The following PLXNA3 variants were observed in gnomAD, a reference collection of about 807,000 sequenced individuals.
The protein encoded by PLXNA3 is plexin A3.
A neutral mutation model predicts 118.8 loss-of-function variants in PLXNA3; 52 were observed. The observed-to-expected ratio is 0.44, with a 90% CI of 0.35 to 0.55. The LOEUF (loss-of-function observed/expected upper bound fraction) is 0.55, where lower values mean the gene tolerates loss of function less well. Ranked by LOEUF, PLXNA3 falls within the 20% of genes least tolerant of loss-of-function variation. PLXNA3 has a pLI of 0.01. For synonymous variants in PLXNA3, 925 were observed against 762.4 expected (o/e 1.21, Z -3.51); for missense variants, 1,660 against 1,730.8 (o/e 0.96, Z 0.73).
intron 32 of PLXNA3, among the ~76,000 whole-genome samples, chrX:154,471,907 G>A (rs782545139): frequency 8.9e-6 from 1 of 112,868 alleles, no homozygotes; most frequent in East Asian, 2.8e-4. Context: ...GCTTTGTGAT[G>A]AGAAATAGCC....
At position 154,461,551 on chromosome X, in the gene PLXNA3, C is replaced by G; in HGVS notation, c.1047C>G (p.Ile349Met). 8.3e-7 allele frequency: 1 copy of G among 1,209,916 alleles called. No homozygotes were observed. The highest frequency in any genetic ancestry group is 1.1e-6 in the Non-Finnish European group (1 of 895,233). ...LFTLSNINAH[I>M]RRRIQSCYRG... ...CCCTCAGCAACATCAATGCCCACAT[C>G]CGGCGCCGCATCCAGTCCTGCTATC... The change falls in exon 3 of 33, where the codon ATC becomes ATG. Residue 349 changes from isoleucine (I) to methionine (M), a missense_variant. This residue lies in a region of PLXNA3 where 791 missense variants were observed against 652.1 expected (regional missense o/e 1.21). Transcript: ENST00000369682.
rs782418480 is a variant in PLXNA3 at position 154,461,556 on chromosome X, G to A, written c.1052G>A (p.Arg351His). ...AGCAACATCAATGCCCACATCCGGC[G>A]CCGCATCCAGTCCTGCTATCGTGGG... ...TLSNINAHIR[R>H]RIQSCYRGEG... Residue 351 changes from arginine to histidine, a missense_variant, in exon 3 of 33, where the codon CGC (arginine) becomes CAC (histidine). Arg to His is a conservative substitution (Grantham distance 29). Transcript: ENST00000369682. The A allele has an allele frequency of 1.2e-4, 149 of 1,208,143 alleles. No homozygotes were observed. Among genetic ancestry groups the A allele is most frequent in the Admixed American group, 5.6e-4 (26 of 46,023 alleles).
chrX:154,472,363 C>G (rs1189154673), intron 32 of PLXNA3, among the ~76,000 whole-genome samples: 1 of 109,881 alleles, frequency 9.1e-6, no homozygotes, highest in African/African-American at 3.3e-5. Flanking sequence ...GTCCAGGTCA[C>G]TCTAGGGACA....
intron 11 of PLXNA3, 85 bp from the exon 12 acceptor site, chrX:154,465,339 C>T (rs1417476632): frequency 9.7e-7 from 1 of 1,032,966 alleles, no homozygotes; most frequent in Non-Finnish European, 1.4e-6. Context: ...GATTCCTGTA[C>T]CTGGAGGAGG....
At chrX:154,464,894 G>A (rs2069051254) in intron 10 of PLXNA3, 26 bp downstream of exon 10, 1 of 1,121,100 alleles carries the variant, frequency 8.9e-7, no homozygotes, top group African/African-American at 1.8e-5. Context: ...CATGTGAGGG[G>A]CTGGGCTCTG....
rs782435875 is a variant in PLXNA3, at chrX:154,470,213, C to T, written c.4986+46C>T. 4 of 1,152,933 alleles carry T rather than the reference C, an allele frequency of 3.5e-6. No individual in the cohort carries two copies. The South Asian group carries it at 5.8e-5, about 17-fold the overall frequency. ...ACCTTGGCCTCCGCCCAGAGGTTGT[C>T]CCGGCCTTACAGGGGAGGGGCCATG... On this transcript the variant is annotated intron_variant, in intron 29 of 32. Transcript: ENST00000369682.
chrX:154,462,009 GTCCTGGCTGGAGGGGACCGGGTTCTAGA>G, intron 3 of PLXNA3, 91 bp from the exon 4 acceptor site: 1 of 596,702 alleles, frequency 1.7e-6, no homozygotes, highest in Non-Finnish European at 2.6e-6. Flanking sequence ...CGAGCAGTCA[GTCCTGGCTGGAGGGGACCGGGTTCTAGA>G]TCCCGCTCTC....
At chrX:154,461,815 T>C (rs1469320398) in intron 3 of PLXNA3, among the ~76,000 whole-genome samples, 177 bp downstream of exon 3, 1 of 112,230 alleles carries the variant, frequency 8.9e-6, no homozygotes, top group African/African-American at 3.2e-5. Context: ...TGCCTCTCTC[T>C]GGGCTGCCCA....
In PLXNA3 at chrX:154,468,096, C is replaced by A; in HGVS notation, c.3835C>A (p.Gln1279Lys). Residue 1279 changes from glutamine to lysine, a missense_variant, in exon 22 of 33, where the codon CAG becomes AAG. Physicochemically the swap from Gln to Lys is moderately conservative, Grantham distance 53. This residue lies in a region of PLXNA3 where 869 missense variants were observed against 1,078.7 expected (regional missense o/e 0.81). Transcript: ENST00000369682. ...LECKEAFAELQTDINELTNHM... is the reference protein window; with the variant it reads ...LECKEAFAELKTDINELTNHM... ...CCACCCCCCAGCTTTTGCAGAGCTG[C>A]AGACGGACATCAATGAGCTGACTAA... 8.4e-7 allele frequency: 1 copy of A among 1,191,934 alleles called. No homozygotes were observed. The highest frequency in any genetic ancestry group is 1.1e-6 in the Non-Finnish European group (1 of 883,616).
chrX:154,464,356 T>C, intron 8 of PLXNA3, 43 bp downstream of exon 8: 1 of 1,200,921 alleles, frequency 8.3e-7, no homozygotes, highest in East Asian at 3.0e-5. Flanking sequence ...GAGTGGGGCC[T>C]CTCCCTACCC....
intron 1 of PLXNA3, among the ~76,000 whole-genome samples, chrX:154,459,061 C>G (rs1479804493): frequency 9.0e-6 from 1 of 111,571 alleles, no homozygotes; most frequent in Admixed American, 9.4e-5. Context: ...TGAGCTGAAA[C>G]TTTGCAGTTT....
rs782235424 is a variant in PLXNA3, at chrX:154,461,249, C to T, written c.745C>T (p.Leu249=). Residue 249 remains leucine (L), a synonymous_variant, in exon 3 of 33, where the codon CTG becomes TTG. Coordinates refer to ENST00000369682, the MANE Select transcript of PLXNA3 (RefSeq NM_017514.5). ...GCTGCAGCTGGACACCCAGCAGACG[C>T]TGTTGGACACAGCGGGCGAGAAATT... ...LTLQLDTQQT[L]LDTAGEKFFT... 8.3e-7 allele frequency: 1 copy of T among 1,211,876 alleles called. No individual in the cohort carries two copies. Among genetic ancestry groups the T allele is most frequent in the African/African-American group, 1.7e-5 (1 of 57,850 alleles).
Position 154,472,740 on chromosome X carries a change from A to G in PLXNA3, c.*55A>G. ...TCAGTCCTGTGCCGTCCTCCCATCC[A>G]GGGGAGTGGCTGGCTCAAGCCTGGG... On this transcript the variant is annotated 3_prime_UTR_variant, in exon 33 of 33. Transcript: ENST00000369682. The G allele has an allele frequency of 1.1e-6, 1 of 927,130 alleles. No individual in the cohort carries two copies. The highest frequency in any genetic ancestry group is 2.0e-5 in the South Asian group (1 of 50,179). 76.4% of individuals were successfully genotyped at this position (927,130 alleles called of 1,213,427 possible).
rs782275741 is a variant in PLXNA3, at chrX:154,461,648, T to G, written c.1134+10T>G. 2 of 1,174,748 alleles carry G rather than the reference T, an allele frequency of 1.7e-6. No individual in the cohort carries two copies. The highest frequency in any genetic ancestry group is 3.8e-5 in the South Asian group (2 of 53,173). ...GCCCTGCATCAACACCGTGAGCCCC[T>G]CATCACCCCACACTGGTCCTCTGCC... On this transcript the variant is annotated intron_variant, in intron 3 of 32. Coordinates refer to ENST00000369682, the MANE Select transcript of PLXNA3 (RefSeq NM_017514.5).
rs200063870 is a variant in PLXNA3 at position 154,461,450 on chromosome X, G to A, written c.946G>A (p.Val316Ile). 105 of 1,210,554 alleles carry A rather than the reference G, an allele frequency of 8.7e-5. No individual in the cohort carries two copies. Among genetic ancestry groups the A allele is most frequent in the Middle Eastern group, 4.6e-4 (2 of 4,352 alleles). ...QALGVPADEDVLFTIFSQGQK... is the reference protein window; with the variant it reads ...QALGVPADEDILFTIFSQGQK... Reference sequence around the variant, plus strand: ...CCTGGGCGTGCCGGCTGATGAGGACGTCCTCTTCACCATCTTCTCTCAGGG... The same window carrying A: ...CCTGGGCGTGCCGGCTGATGAGGACATCCTCTTCACCATCTTCTCTCAGGG... The change falls in exon 3 of 33, where the codon GTC (valine) becomes ATC (isoleucine). Residue 316 changes from valine to isoleucine, a missense_variant. By Grantham distance (29) the Val-to-Ile change is conservative. Around this residue, in one of 2 missense-constraint regions of PLXNA3, gnomAD observed 791 missense variants for 652.1 expected, o/e 1.21. Transcript: ENST00000369682.
intron 10 of PLXNA3, 30 bp from the exon 11 acceptor site, chrX:154,464,988 G>T: frequency 8.7e-7 from 1 of 1,148,169 alleles, no homozygotes; most frequent in Admixed American, 2.5e-5. Context: ...GGGTGGCCCT[G>T]TGTGCAGCTG....
In PLXNA3 at chrX:154,465,632, T is replaced by C; in HGVS notation, c.2342-25T>C. 4 of 1,199,058 alleles carry C rather than the reference T, an allele frequency of 3.3e-6. No individual in the cohort carries two copies. In the African/African-American group the frequency reaches 5.2e-5, roughly 16 times the overall value. On this transcript the variant is annotated intron_variant, in intron 12 of 32. Transcript: ENST00000369682. ...CACTTTTCTGCCACTGCCTGCTCCG[T>C]CAGCAGTGCCTTCTGTGCCTGCAGC...
Position 154,468,742 on chromosome X carries a change from G to A in PLXNA3, c.4287+13G>A. On this transcript the variant is annotated intron_variant, in intron 24 of 32. Coordinates refer to ENST00000369682, the MANE Select transcript of PLXNA3 (RefSeq NM_017514.5). Reference sequence around the variant, plus strand: ...TAAGTTTCTGAAGGTGCGCCAGGTGGGTGGGCGGCAGGGAGGTGGTGGCAG... The same window carrying A: ...TAAGTTTCTGAAGGTGCGCCAGGTGAGTGGGCGGCAGGGAGGTGGTGGCAG... 1 of 1,211,528 alleles carries A rather than the reference G, an allele frequency of 8.3e-7. No individual in the cohort carries two copies. Among genetic ancestry groups the A allele is most frequent in the Non-Finnish European group, 1.1e-6 (1 of 895,377 alleles).
In PLXNA3 at chrX:154,469,778, C is replaced by T. The variant is rs2069154336; in HGVS notation, c.4789C>T (p.Arg1597Cys). ...CTTCACCTTCACCCGCTCCCTCAGC[C>T]GCTACGGTAGGTGTCCTCAGTGTGG... ...NSFTFTRSLS[R>C]YESLLRTASS... Residue 1597 changes from arginine (R) to cysteine (C), a missense_variant, in exon 28 of 33, where the codon CGC becomes TGC. Arg to Cys is a radical substitution (Grantham distance 180, BLOSUM62 -3). Coordinates refer to ENST00000369682, the MANE Select transcript of PLXNA3 (RefSeq NM_017514.5). The T allele has an allele frequency of 1.0e-5, 12 of 1,203,816 alleles. No homozygotes were observed. The highest frequency in any genetic ancestry group is 1.8e-5 in the South Asian group (1 of 56,768).
Sources: gnomAD v4.1 joint callset for allele counts (sites outside exome capture counted in the v4.1 genomes callset) on GRCh38, gnomAD v4.1.1 for gene constraint, gnomAD v4.1.1 regional missense constraint, MANE v1.5 for transcripts, NCBI Gene and HGNC (gene_info 2026-07-23, HGNC 2026-07-21) for gene names.